Variants in ADAMTSL1 observed in about 807,000 individuals in gnomAD.
ADAMTSL1 encodes the protein ADAMTS-like protein 1.
A neutral mutation model predicts 201.8 loss-of-function variants in ADAMTSL1; 126 were observed. The ratio of observed to expected loss-of-function variants is 0.62; its 90% CI spans 0.54 to 0.72. ADAMTSL1 has a LOEUF of 0.72. Ranked by LOEUF, ADAMTSL1 falls within the 30% of genes least tolerant of loss-of-function variation. The pLI is 0.00. For missense variants in ADAMTSL1, 2,679 were observed against 2,277.8 expected, an observed-to-expected ratio of 1.18 and a Z score of -3.59; for synonymous variants, 1,121 against 903.4, an observed-to-expected ratio of 1.24 and a Z score of -4.32.
intron 2 of ADAMTSL1, among the ~76,000 whole-genome samples, chr9:18,285,026 G>T (rs549865690): frequency 2.0e-5 from 3 of 152,080 alleles, no homozygotes; most frequent in Admixed American, 2.0e-4. Flanking sequence ...TGTATCTTTG[G>T]ACACATCTCA....
At chr9:18,313,645 A>G (rs1332156105) in intron 2 of ADAMTSL1, among the ~76,000 whole-genome samples, 1 of 152,186 alleles carries the variant, frequency 6.6e-6, no homozygotes. Context: ...CTCATACAGA[A>G]TTTAACTTTA....
chr9:17,984,641 T>G (rs1204170161), intron 1 of ADAMTSL1, among the ~76,000 whole-genome samples: 1 of 152,170 alleles, frequency 6.6e-6, no homozygotes, highest in Non-Finnish European at 1.5e-5. Context: ...TGGAAACTCC[T>G]TAGTCCGAGT....
intron 23 of ADAMTSL1, among the ~76,000 whole-genome samples, chr9:18,851,832 T>G (rs1826513645): frequency 6.6e-6 from 1 of 152,164 alleles, no homozygotes; most frequent in Non-Finnish European, 1.5e-5. Flanking sequence ...CGTGTACCAG[T>G]TAAACTCCAC....
chr9:18,707,107 G>C (rs554614130), intron 14 of ADAMTSL1, 59 bp downstream of exon 14: 1 of 1,558,314 alleles, frequency 6.4e-7, no homozygotes, highest in Middle Eastern at 1.7e-4. Flanking sequence ...TTCTCTCTCT[G>C]CATGCAGCTG....
At position 18,083,242 on chromosome 9, in the gene ADAMTSL1, G is replaced by A. The variant is rs543573129; in HGVS notation, c.88-80620G>A. Among the ~76,000 whole-genome samples the A allele has an allele frequency of 2.6e-5, 4 of 152,292 alleles. No homozygotes were observed. The South Asian group carries it at 6.2e-4, about 24-fold the overall frequency. Reference sequence around the variant, plus strand: ...TAGGCTGGGGGACCTACAAGTATTGGAAAGATGATGGTAAGTAGGTTCAGA... The same window carrying A: ...TAGGCTGGGGGACCTACAAGTATTGAAAAGATGATGGTAAGTAGGTTCAGA... On this transcript the variant is annotated intron_variant, in intron 1 of 29. Transcript: ENST00000680146.
At chr9:18,781,129 C>T (rs1821367368) in intron 19 of ADAMTSL1, among the ~76,000 whole-genome samples, 1 of 152,104 alleles carries the variant, frequency 6.6e-6, no homozygotes, top group Non-Finnish European at 1.5e-5. Context: ...GGAGAAGGTT[C>T]AGTGGAATCT....
chr9:18,054,516 A>G (rs1185850977), intron 1 of ADAMTSL1, among the ~76,000 whole-genome samples: 2 of 152,202 alleles, frequency 1.3e-5, no homozygotes, highest in African/African-American at 2.4e-5. Context: ...TTGGAGTGGT[A>G]CTAACATTTA....
At chr9:18,776,264 C>T (rs1173056482) in intron 18 of ADAMTSL1, among the ~76,000 whole-genome samples, 1 of 152,288 alleles carries the variant, frequency 6.6e-6, no homozygotes, top group Non-Finnish European at 1.5e-5. Context: ...ATCCCTAGAG[C>T]CGCAACACTT....
At chr9:18,557,142 A>T (rs1245105408) in intron 3 of ADAMTSL1, among the ~76,000 whole-genome samples, 1 of 152,012 alleles carries the variant, frequency 6.6e-6, no homozygotes, top group South Asian at 2.1e-4. Context: ...CTTCACTGGT[A>T]TCATGAAACA....
At chr9:17,993,549 C>G (rs17772993) in intron 1 of ADAMTSL1, among the ~76,000 whole-genome samples, 10,543 of 152,090 alleles carry the variant, frequency 0.069, 405 homozygotes, top group Middle Eastern at 0.13. Context: ...TTTTGGGAAG[C>G]CTGTTCCAAT....
chr9:18,315,423 C>T (rs1659036003), intron 2 of ADAMTSL1, among the ~76,000 whole-genome samples: 1 of 151,328 alleles, frequency 6.6e-6, no homozygotes, highest in African/African-American at 2.5e-5. Flanking sequence ...CGTGTGGGAG[C>T]CCAAGGGGGA....
chr9:18,683,818 A>G (rs920881704), intron 12 of ADAMTSL1, among the ~76,000 whole-genome samples: 2 of 152,246 alleles, frequency 1.3e-5, no homozygotes, highest in African/African-American at 4.8e-5. Context: ...TTCACAACCA[A>G]GGAGTGAGCC....
At chr9:18,312,829 A>C (rs1834207766) in intron 2 of ADAMTSL1, among the ~76,000 whole-genome samples, 1 of 152,048 alleles carries the variant, frequency 6.6e-6, no homozygotes, top group African/African-American at 2.4e-5. Context: ...AATAGCTTAG[A>C]CTCTAGTGGA....
chr9:18,228,205 G>T (rs1830500929), intron 2 of ADAMTSL1, among the ~76,000 whole-genome samples: 1 of 152,224 alleles, frequency 6.6e-6, no homozygotes, highest in Admixed American at 6.5e-5. Flanking sequence ...GTGAAAGTGA[G>T]AGGAAAGTCG....
chr9:18,382,044 C>T (rs1035423437), intron 2 of ADAMTSL1, among the ~76,000 whole-genome samples: 1 of 152,104 alleles, frequency 6.6e-6, no homozygotes, highest in African/African-American at 2.4e-5. Flanking sequence ...CCTGTAGCTG[C>T]TGGTACAAGA....
At chr9:18,315,636 C>T (rs889437232) in intron 2 of ADAMTSL1, among the ~76,000 whole-genome samples, 7 of 152,228 alleles carry the variant, frequency 4.6e-5, no homozygotes, top group African/African-American at 9.6e-5. Flanking sequence ...CGGGGCCCAC[C>T]GATCCCGCGC....
chr9:17,929,214 G>C (rs199926469), intron 1 of ADAMTSL1, among the ~76,000 whole-genome samples: 20 of 152,166 alleles, frequency 1.3e-4, no homozygotes, highest in South Asian at 2.1e-4. Context: ...GCACTTCCCT[G>C]CTTAAAGGCT....
At chr9:18,531,991 G>T (rs1397507167) in intron 2 of ADAMTSL1, among the ~76,000 whole-genome samples, 1 of 151,918 alleles carries the variant, frequency 6.6e-6, no homozygotes, top group Non-Finnish European at 1.5e-5. Flanking sequence ...CTATCTCTCC[G>T]GGTTTTTGAG....
chr9:17,918,304 G>A (rs1316080628), intron 1 of ADAMTSL1, among the ~76,000 whole-genome samples: 2 of 150,652 alleles, frequency 1.3e-5, no homozygotes, highest in Non-Finnish European at 3.0e-5. Flanking sequence ...TCCCTAAGTT[G>A]TGCTTTAGAG....
Sources: allele counts gnomAD v4.1 joint callset (sites outside exome capture counted in the v4.1 genomes callset), GRCh38; gene constraint gnomAD v4.1.1; transcripts MANE v1.5; gene names NCBI Gene and HGNC (gene_info 2026-07-23, HGNC 2026-07-21).